Variants in VCPIP1 observed in about 807,000 individuals in gnomAD.
VCPIP1 encodes deubiquitinating protein VCPIP1.
VCPIP1 carries 8 observed loss-of-function variants against 85.0 expected under a neutral mutation model. The ratio of observed to expected loss-of-function variants is 0.09; its 90% CI spans 0.06 to 0.17. The LOEUF is 0.17. VCPIP1 is among the 10% of genes least tolerant of loss of function. VCPIP1 has a pLI of 1.00. For missense variants in VCPIP1, 1,070 were observed against 1,486.3 expected (o/e 0.72, Z 4.61); for synonymous variants, 543 against 544.5 (o/e 1.00, Z 0.04).
rs191552368 is a variant in VCPIP1 at position 66,664,728 on chromosome 8, C to T, written c.2231G>A (p.Arg744Lys). ...KLKQEQKGQP[R>K]TVSPSTIRDG... ...ACGAATGGTACTGGGAGAAACAGTC[C>T]TGGGTTGCCCTTTTTGTTCTTGTTT... Residue 744 changes from arginine (R) to lysine (K), a missense_variant, in exon 1 of 3, where the codon AGG becomes AAG. By Grantham distance (26) the Arg-to-Lys change is conservative. This residue lies in a region of VCPIP1 where 278 missense variants were observed against 298.5 expected (regional missense o/e 0.93). Coordinates refer to ENST00000310421, the MANE Select transcript of VCPIP1 (RefSeq NM_025054.5). 4.5e-5 allele frequency: 73 copies of T among 1,613,674 alleles called. No homozygotes were observed. The East Asian group carries it at 6.9e-4, about 15-fold the overall frequency.
At position 66,633,604 on chromosome 8, in the gene VCPIP1, C is replaced by CT. The variant is rs1225580257; in HGVS notation, c.*896dup. 3 of 151,552 alleles carry CT rather than the reference C, an allele frequency of 2.0e-5. No individual in the cohort carries two copies. Among genetic ancestry groups the CT allele is most frequent in the Non-Finnish European group, 4.4e-5 (3 of 67,874 alleles). The allele number at this position is 151,552 out of a possible 1,614,324, so 9.4% of individuals were successfully genotyped here. The stretch of plus-strand genomic sequence containing the variant: ...TTTGGCTCAAAGGGGCATAAATACA[C>CT]TTAGCATATACAGGCTTAAATACCA... On this transcript the variant is annotated 3_prime_UTR_variant, in exon 3 of 3. Coordinates refer to ENST00000310421, the MANE Select transcript of VCPIP1 (RefSeq NM_025054.5).
intron 2 of VCPIP1, among the ~76,000 whole-genome samples, chr8:66,646,578 T>C (rs930014354): frequency 6.6e-6 from 1 of 151,936 alleles, no homozygotes; most frequent in African/African-American, 2.4e-5. Context: ...GGCAGATCAC[T>C]TGAGGTCAGG....
intron 1 of VCPIP1, among the ~76,000 whole-genome samples, chr8:66,659,292 C>T (rs1333007654): frequency 6.6e-6 from 1 of 151,058 alleles, no homozygotes; most frequent in East Asian, 1.9e-4. Context: ...ACCAGGTCTA[C>T]AAGAAATCTG....
intron 2 of VCPIP1, among the ~76,000 whole-genome samples, chr8:66,641,024 G>T (rs1358570207): frequency 1.3e-5 from 2 of 152,174 alleles, no homozygotes; most frequent in Middle Eastern, 3.2e-3. Flanking sequence ...ATGCCCTCTG[G>T]GGCCCTGGGG....
At position 66,666,629 on chromosome 8, in the gene VCPIP1, G is replaced by C; in HGVS notation, c.330C>G (p.Pro110=). The change falls in exon 1 of 3, where the codon CCC becomes CCG. Residue 110 remains proline (P), a synonymous_variant. Coordinates refer to ENST00000310421, the MANE Select transcript of VCPIP1 (RefSeq NM_025054.5). The surrounding 1 kb of genome is among the most constrained non-coding windows in gnomAD (Gnocchi z 6.3). ...RNALLGVTGA[P]KKNTELVKVM... is the part of the protein sequence containing the mutation. Reference sequence around the variant, plus strand: ...CCTTTACCAGTTCCGTGTTCTTCTTGGGTGCCCCCGTAACCCCGAGCAGCG... The same window carrying C: ...CCTTTACCAGTTCCGTGTTCTTCTTCGGTGCCCCCGTAACCCCGAGCAGCG... 2 of 1,614,182 alleles carry C rather than the reference G, an allele frequency of 1.2e-6. No individual in the cohort carries two copies. The highest frequency in any genetic ancestry group is 1.7e-5 in the Admixed American group (1 of 60,028).
At chr8:66,661,354 TTC>T (rs1231356161) in intron 1 of VCPIP1, among the ~76,000 whole-genome samples, 1 of 152,156 alleles carries the variant, frequency 6.6e-6, no homozygotes, top group Non-Finnish European at 1.5e-5. Context: ...ATACTCTAGG[TTC>T]TCTCAGATAT....
At chr8:66,638,970 C>CTCTCTA in intron 2 of VCPIP1, among the ~76,000 whole-genome samples, 161 of 118,434 alleles carry the variant, frequency 1.4e-3, no homozygotes, top group African/African-American at 5.7e-3. Flanking sequence ...CTCTCTCTCT[C>CTCTCTA]TATATATATA....
rs763240844 is a variant in VCPIP1 at position 66,666,779 on chromosome 8, G to A, written c.180C>T (p.Phe60=). The change falls in exon 1 of 3, where the codon TTC becomes TTT. Residue 60 remains phenylalanine (F), a synonymous_variant. Transcript: ENST00000310421. This position sits in a 1 kb window ranked among gnomAD's most constrained non-coding sequence, Gnocchi z 6.3. The part of the protein sequence containing the change: ...PDPKCQARLF[F]PASGSVSIEC... ...CGATGCTGACAGAACCGGAGGCCGG[G>A]AAAAATAGACGCGCCTGACACTTCG... The A allele has an allele frequency of 3.1e-6, 5 of 1,613,558 alleles. No individual in the cohort carries two copies. Among genetic ancestry groups the A allele is most frequent in the Non-Finnish European group, 3.4e-6 (4 of 1,179,592 alleles).
rs1811231032 is a variant in VCPIP1 at position 66,667,223 on chromosome 8, C to T, written c.-265G>A. The T allele has an allele frequency of 4.9e-6, 3 of 617,090 alleles. No individual in the cohort carries two copies. The highest frequency in any genetic ancestry group is 3.3e-5 in the South Asian group (1 of 29,992). The allele number at this position is 617,090 out of a possible 1,614,324, so 38.2% of individuals were successfully genotyped here. ...ACTCACTCACTCTCGCTCTCTCTCC[C>T]TCAGACACAGACATACACGCCCTCA... On this transcript the variant is annotated 5_prime_UTR_variant, in exon 1 of 3. Transcript: ENST00000310421.
At chr8:66,643,258 G>A (rs1810964520) in intron 2 of VCPIP1, among the ~76,000 whole-genome samples, 1 of 152,086 alleles carries the variant, frequency 6.6e-6, no homozygotes, top group South Asian at 2.1e-4. Context: ...GGGAGGTGGA[G>A]GTTAAAGTAA....
chr8:66,662,662 TTTTA>T (rs978829882), intron 1 of VCPIP1, among the ~76,000 whole-genome samples: 28 of 151,974 alleles, frequency 1.8e-4, no homozygotes, highest in Non-Finnish European at 3.8e-4. Flanking sequence ...ATTGAAGGTC[TTTTA>T]TTTATTTACT....
chr8:66,663,140 T>C (rs16933013), intron 1 of VCPIP1, among the ~76,000 whole-genome samples: 20,052 of 150,574 alleles, frequency 0.13, 3,194 homozygotes, highest in African/African-American at 0.38. Context: ...ATATATAAAG[T>C]GCGTAGGACA....
chr8:66,653,043 G>T (rs1399091053), intron 1 of VCPIP1, among the ~76,000 whole-genome samples: 2 of 152,148 alleles, frequency 1.3e-5, no homozygotes, highest in African/African-American at 4.8e-5. Flanking sequence ...CATAAACAGG[G>T]TATGACTTTA....
Position 66,635,111 on chromosome 8 carries a change from T to C in VCPIP1, c.3059A>G (p.His1020Arg). ...GVVKKKSEQLHNVTAFQGKGH... is the reference protein window; with the variant it reads ...GVVKKKSEQLRNVTAFQGKGH... ...TTTTCCCTGAAAGGCAGTTACGTTA[T>C]GAAGTTGCTCAGATTTCTTTTTCAC... The change falls in exon 3 of 3, where the codon CAT becomes CGT. Residue 1020 changes from histidine (H) to arginine (R), a missense_variant. Physicochemically the swap from His to Arg is conservative, Grantham distance 29 (BLOSUM62 0). Transcript: ENST00000310421. 3 of 1,614,230 alleles carry C rather than the reference T, an allele frequency of 1.9e-6. No individual in the cohort carries two copies. Among genetic ancestry groups the C allele is most frequent in the South Asian group, 2.2e-5 (2 of 91,086 alleles).
intron 2 of VCPIP1, among the ~76,000 whole-genome samples, chr8:66,650,036 C>T (rs1370234463): frequency 1.3e-5 from 2 of 150,176 alleles, no homozygotes; most frequent in African/African-American, 5.0e-5. Flanking sequence ...AAATACTGTT[C>T]TTTTTTTAGG....
chr8:66,659,199 A>ATT (rs34749864), intron 1 of VCPIP1, among the ~76,000 whole-genome samples: 2 of 144,898 alleles, frequency 1.4e-5, no homozygotes, highest in Admixed American at 7.0e-5. Context: ...TCTACAAGAA[A>ATT]TTTTTTTTTT....
intron 2 of VCPIP1, among the ~76,000 whole-genome samples, chr8:66,641,437 C>T (rs1252765623): frequency 6.6e-6 from 1 of 152,080 alleles, no homozygotes; most frequent in African/African-American, 2.4e-5. Context: ...GTAGTGCAAT[C>T]ATAGCTCACT....
In VCPIP1 at chr8:66,634,116, A is replaced by C. The variant is rs1046983701; in HGVS notation, c.*385T>G. ...TATATGAGATGGTTACCTTGATGACATCAACATTAGCACAATCTCATTTCC... is the reference window on the plus strand; with the variant it reads ...TATATGAGATGGTTACCTTGATGACCTCAACATTAGCACAATCTCATTTCC... On this transcript the variant is annotated 3_prime_UTR_variant, in exon 3 of 3. Transcript: ENST00000310421. The C allele has an allele frequency of 6.2e-6, 1 of 161,558 alleles. No homozygotes were observed. The highest frequency in any genetic ancestry group is 1.3e-5 in the Non-Finnish European group (1 of 74,390). 10.0% of individuals were successfully genotyped at this position (161,558 alleles called of 1,614,324 possible).
At position 66,664,269 on chromosome 8, in the gene VCPIP1, C is replaced by T; in HGVS notation, c.2690G>A (p.Cys897Tyr). ...EQAEKEMYSL[C>Y]LLATLMGEDV... ...CTTACCCATTAATGTTGCTAAAAGA[C>T]ACAAGGAGTACATTTCTTTTTCAGC... Residue 897 changes from cysteine to tyrosine, a missense_variant, in exon 1 of 3, where the codon TGT becomes TAT. Cys to Tyr is a radical substitution (Grantham distance 194). Around this residue, in one of 8 missense-constraint regions of VCPIP1, gnomAD observed 278 missense variants for 298.5 expected, o/e 0.93. Coordinates refer to ENST00000310421, the MANE Select transcript of VCPIP1 (RefSeq NM_025054.5). The T allele has an allele frequency of 6.3e-7, 1 of 1,583,198 alleles. No individual in the cohort carries two copies. The highest frequency in any genetic ancestry group is 8.6e-7 in the Non-Finnish European group (1 of 1,161,620).
Sources: allele counts gnomAD v4.1 joint callset (sites outside exome capture counted in the v4.1 genomes callset), GRCh38; gene constraint gnomAD v4.1.1; regional missense constraint gnomAD v4.1.1; non-coding constraint Gnocchi (gnomAD v3.1); transcripts MANE v1.5; gene names NCBI Gene and HGNC (gene_info 2026-07-23, HGNC 2026-07-21).